RORA: variants seen among roughly 807,000 people sequenced by gnomAD.
RORA encodes the protein nuclear receptor ROR-alpha.
Under a neutral mutation model 69.5 loss-of-function variants are expected in RORA, and 7 were observed. The observed-to-expected ratio is 0.10, with a 90% CI of 0.06 to 0.19. RORA has a LOEUF of 0.19. Ranked by LOEUF, RORA falls within the 10% of genes least tolerant of loss-of-function variation. The pLI is 1.00. For synonymous variants in RORA, 261 were observed against 240.8 expected (o/e 1.08, Z -0.78); for missense variants, 457 against 663.0 (o/e 0.69, Z 3.41).
rs150852087 is a variant in RORA, at chr15:60,990,705, C to G, written c.166+238348G>C. 4.3e-3 allele frequency among the ~76,000 whole-genome samples: 650 copies of G among 152,298 alleles called. 8 individuals carry two copies. Among genetic ancestry groups the G allele is most frequent in the African/African-American group, 0.015 (622 of 41,574 alleles). ...CACACACTGTGTATGCACACACACA[C>G]ACATCCAAGCCCAAACACCCACACC... On this transcript the variant is annotated intron_variant, in intron 1 of 10. Transcript: ENST00000335670.
At chr15:61,184,662 G>T (rs1419731310) in intron 1 of RORA, among the ~76,000 whole-genome samples, 1 of 152,156 alleles carries the variant, frequency 6.6e-6, no homozygotes, top group South Asian at 2.1e-4. Context: ...CAGCCATACA[G>T]TAAAGGTTTG....
rs116070122 is a variant in RORA at position 61,006,934 on chromosome 15, T to C, written c.166+222119A>G. Among the ~76,000 whole-genome samples the C allele has an allele frequency of 7.2e-3, 1,093 of 152,220 alleles. 17 individuals are homozygous for C. The highest frequency in any genetic ancestry group is 0.025 in the African/African-American group (1,044 of 41,538). On this transcript the variant is annotated intron_variant, in intron 1 of 10. Coordinates refer to ENST00000335670, the MANE Select transcript of RORA (RefSeq NM_134261.3). Reference sequence around the variant, plus strand: ...CCTAGAATTATATGGACATAGATAATTCTAAGGAAATTAAATTCCAGAATC... The same window carrying C: ...CCTAGAATTATATGGACATAGATAACTCTAAGGAAATTAAATTCCAGAATC...
chr15:61,019,200 G>A (rs940152316), intron 1 of RORA, among the ~76,000 whole-genome samples: 9 of 152,196 alleles, frequency 5.9e-5, no homozygotes, highest in Non-Finnish European at 1.0e-4. Flanking sequence ...AGCGCTCCAC[G>A]CAGCTCCTCT....
chr15:60,847,766 T>C (rs1001692871), intron 1 of RORA: 5 of 152,204 alleles, frequency 3.3e-5, no homozygotes, highest in African/African-American at 1.2e-4. Flanking sequence ...TGGGTAAAGA[T>C]AAAATGTTTT....
At chr15:60,878,170 CAAA>C (rs11362081) in intron 1 of RORA, among the ~76,000 whole-genome samples, 979 of 69,654 alleles carry the variant, frequency 0.014, 6 homozygotes, top group Middle Eastern at 0.019. Flanking sequence ...ACTAAAAATA[CAAA>C]AAAAAAAAAA....
intron 1 of RORA, among the ~76,000 whole-genome samples, chr15:60,938,588 T>C (rs375575515): frequency 7.9e-5 from 12 of 152,194 alleles, no homozygotes; most frequent in African/African-American, 2.7e-4. Context: ...CTCTACACCC[T>C]GGATACAGGT....
rs148850233 is a variant in RORA at position 60,894,856 on chromosome 15, A to C, written c.167-216170T>G. On this transcript the variant is annotated intron_variant, in intron 1 of 10. Transcript: ENST00000335670. Reference sequence around the variant, plus strand: ...GAAGCAAGAATGTGAGGTGCAACTTAAACATCCCTGCACAGGCACAGCAGG... The same window carrying C: ...GAAGCAAGAATGTGAGGTGCAACTTCAACATCCCTGCACAGGCACAGCAGG... Among the ~76,000 whole-genome samples, 126 of 152,304 alleles carry C rather than the reference A, an allele frequency of 8.3e-4. 3 individuals are homozygous for C. Among genetic ancestry groups the C allele is most frequent in the African/African-American group, 2.9e-3 (122 of 41,558 alleles).
chr15:60,535,258 A>T (rs916261964), intron 2 of RORA, among the ~76,000 whole-genome samples: 7 of 152,240 alleles, frequency 4.6e-5, no homozygotes, highest in African/African-American at 1.4e-4. Context: ...AAAGAGGTTT[A>T]TTGTGTAGTG....
chr15:61,148,110 A>G (rs11071589), intron 1 of RORA, among the ~76,000 whole-genome samples: 78,874 of 152,030 alleles, frequency 0.52, 21,313 homozygotes, highest in Non-Finnish European at 0.59. Flanking sequence ...GCGTGAGCCA[A>G]GGGACTGGCA....
chr15:61,007,717 CT>C (rs1566941413), intron 1 of RORA, among the ~76,000 whole-genome samples: 5 of 147,568 alleles, frequency 3.4e-5, no homozygotes, highest in Non-Finnish European at 4.5e-5. Context: ...GTTATATAGG[CT>C]AATATTATAT....
At chr15:61,026,663 C>G (rs1055612460) in intron 1 of RORA, among the ~76,000 whole-genome samples, 2 of 152,044 alleles carry the variant, frequency 1.3e-5, no homozygotes, top group Admixed American at 6.6e-5. Flanking sequence ...ACAACAAAGT[C>G]AAGAGACATG....
chr15:61,066,619 G>C (rs2078263507), intron 1 of RORA, among the ~76,000 whole-genome samples: 1 of 151,472 alleles, frequency 6.6e-6, no homozygotes. Context: ...GTGGAGACAG[G>C]GTTTCTGCAT....
intron 1 of RORA, among the ~76,000 whole-genome samples, chr15:61,087,945 C>T (rs151134201): frequency 1.9e-4 from 29 of 152,354 alleles, no homozygotes; most frequent in African/African-American, 6.5e-4. Flanking sequence ...AGTCATTTCT[C>T]GATGTGCTCA....
intron 1 of RORA, among the ~76,000 whole-genome samples, chr15:61,105,167 A>C (rs2078934847): frequency 6.6e-6 from 1 of 152,114 alleles, no homozygotes; most frequent in Non-Finnish European, 1.5e-5. Flanking sequence ...TTCTCAGGAG[A>C]GGGATGGTCT....
At chr15:61,103,758 C>T (rs1307162229) in intron 1 of RORA, among the ~76,000 whole-genome samples, 2 of 152,276 alleles carry the variant, frequency 1.3e-5, no homozygotes, top group East Asian at 3.9e-4. Context: ...TATGTGTGGG[C>T]AACACCAGGA....
At chr15:60,906,023 C>A (rs192430374) in intron 1 of RORA, among the ~76,000 whole-genome samples, 276 of 152,248 alleles carry the variant, frequency 1.8e-3, no homozygotes, top group African/African-American at 6.5e-3. Context: ...TTAATGAGAT[C>A]TTGTCTGTGG....
intron 1 of RORA, among the ~76,000 whole-genome samples, chr15:61,122,004 A>G (rs963695572): frequency 2.0e-5 from 3 of 152,196 alleles, no homozygotes; most frequent in African/African-American, 7.2e-5. Flanking sequence ...TTAAGGATAA[A>G]GGCTAATACT....
At chr15:60,696,026 T>C (rs2140782936) in intron 1 of RORA, among the ~76,000 whole-genome samples, 1 of 152,244 alleles carries the variant, frequency 6.6e-6, no homozygotes, top group South Asian at 2.1e-4. Context: ...AGAAGTCTTA[T>C]TATTATTATA....
chr15:60,605,621 G>A (rs1389184447), intron 2 of RORA, among the ~76,000 whole-genome samples: 1 of 152,136 alleles, frequency 6.6e-6, no homozygotes, highest in Non-Finnish European at 1.5e-5. Flanking sequence ...AAGATTATTG[G>A]TCTTTAATAG....
Sources: gnomAD v4.1 joint callset for allele counts (sites outside exome capture counted in the v4.1 genomes callset) on GRCh38, gnomAD v4.1.1 for gene constraint, MANE v1.5 for transcripts, NCBI Gene and HGNC (gene_info 2026-07-23, HGNC 2026-07-21) for gene names.